Variants in RFX2 observed in about 807,000 individuals in gnomAD.
RFX2 encodes regulatory factor X2.
Under a neutral mutation model 87.8 loss-of-function variants are expected in RFX2, and 20 were observed. That is an observed-to-expected ratio of 0.23 (90% CI 0.16 to 0.33). The LOEUF (loss-of-function observed/expected upper bound fraction) is 0.33, where lower values mean the gene tolerates loss of function less well. Ranked by LOEUF, RFX2 falls within the 10% of genes least tolerant of loss-of-function variation. The pLI is 1.00. For synonymous variants in RFX2, 397 were observed against 431.3 expected (o/e 0.92, Z 0.98); for missense variants, 767 against 1,012.3 (o/e 0.76, Z 3.29).
At chr19:6,099,921 G>A (rs1453201146) in intron 1 of RFX2, among the ~76,000 whole-genome samples, 2 of 152,178 alleles carry the variant, frequency 1.3e-5, no homozygotes, top group Admixed American at 6.5e-5. Flanking sequence ...AGGGGAGTGT[G>A]CTTTTGGCAG....
At chr19:6,028,675 A>G (rs2086919095) in intron 5 of RFX2, among the ~76,000 whole-genome samples, 1 of 152,180 alleles carries the variant, frequency 6.6e-6, no homozygotes, top group Admixed American at 6.5e-5. Flanking sequence ...GAAATGAATT[A>G]AAAGATTATG....
chr19:6,007,203 GC>G lies in RFX2; in HGVS notation c.1248-38del, dbSNP rs2086595214. 6.3e-7 allele frequency: 1 copy of G among 1,596,576 alleles called. No homozygotes were observed. Among genetic ancestry groups the G allele is most frequent in the Admixed American group, 1.7e-5 (1 of 59,068 alleles). ...GGGGGGACAGGTGAGCTGTGGCCTG[GC>G]CCAGGTGGGCTCACTCAGCCACGGG... On this transcript the variant is annotated intron_variant, in intron 11 of 17. Coordinates refer to ENST00000303657, the MANE Select transcript of RFX2 (RefSeq NM_000635.4). The surrounding 1 kb of genome is among the most constrained non-coding windows in gnomAD (Gnocchi z 8.2).
chr19:6,052,338 T>C (rs747559222), intron 1 of RFX2, among the ~76,000 whole-genome samples: 37 of 152,192 alleles, frequency 2.4e-4, no homozygotes, highest in Non-Finnish European at 4.9e-4. Flanking sequence ...GTATGACATA[T>C]TGATTACAGA....
intron 1 of RFX2, among the ~76,000 whole-genome samples, chr19:6,105,464 G>A (rs1385910403): frequency 6.6e-6 from 1 of 152,194 alleles, no homozygotes; most frequent in Non-Finnish European, 1.5e-5. Flanking sequence ...AGGTCAAAGA[G>A]GTATTAGGCT....
At chr19:6,009,290 G>C (rs976152360) in intron 9 of RFX2, among the ~76,000 whole-genome samples, 4 of 152,176 alleles carry the variant, frequency 2.6e-5, no homozygotes, top group African/African-American at 9.7e-5. Flanking sequence ...TGTGTACAGA[G>C]CCCACCTGAA....
At position 6,026,095 on chromosome 19, in the gene RFX2, G is replaced by A; in HGVS notation, c.597+68C>T. The A allele has an allele frequency of 2.1e-6, 3 of 1,396,094 alleles. No individual in the cohort carries two copies. The highest frequency in any genetic ancestry group is 3.0e-6 in the Non-Finnish European group (3 of 990,948). 86.5% of individuals were successfully genotyped at this position (1,396,094 alleles called of 1,614,324 possible). A position where few individuals can be genotyped will look rare whatever the true frequency, so the allele number is the denominator to read the frequency against. On this transcript the variant is annotated intron_variant, in intron 6 of 17. Transcript: ENST00000303657. This position sits in a 1 kb window ranked among gnomAD's most constrained non-coding sequence, Gnocchi z 4.5. ...CCACCGCACCTGGTTGCCTTCATTT[G>A]TCTTAAAAATGTCTATGCAGGTTAC...
rs912713043 is a variant in RFX2, at chr19:6,011,084, C to T, written c.900-833G>A. ...TGAGCCGAGTTCACGCCATTGCACT[C>T]CAGCCTGGGCGACAAAAGCGAAACT... is the stretch of plus-strand genomic sequence containing the variant. On this transcript the variant is annotated intron_variant, in intron 8 of 17. Coordinates refer to ENST00000303657, the MANE Select transcript of RFX2 (RefSeq NM_000635.4). The surrounding 1 kb of genome is among the most constrained non-coding windows in gnomAD (Gnocchi z 4.8). Among the ~76,000 whole-genome samples, 3 of 151,750 alleles carry T rather than the reference C, an allele frequency of 2.0e-5. No homozygotes were observed. Among genetic ancestry groups the T allele is most frequent in the Non-Finnish European group, 4.4e-5 (3 of 67,980 alleles).
At chr19:6,060,601 G>A (rs568150716) in intron 1 of RFX2, among the ~76,000 whole-genome samples, 24 of 152,172 alleles carry the variant, frequency 1.6e-4, no homozygotes, top group African/African-American at 5.5e-4. Flanking sequence ...AGCCTCTGTC[G>A]TCTTCTCTCT....
At chr19:6,060,216 C>A (rs2087408186) in intron 1 of RFX2, among the ~76,000 whole-genome samples, 1 of 152,214 alleles carries the variant, frequency 6.6e-6, no homozygotes, top group African/African-American at 2.4e-5. Context: ...TCCAGACTGT[C>A]TACATCCAGT....
chr19:6,034,505 G>A (rs1027688742), intron 5 of RFX2, among the ~76,000 whole-genome samples: 5 of 152,076 alleles, frequency 3.3e-5, no homozygotes, highest in East Asian at 1.9e-4. Context: ...GGGATTACAG[G>A]CATGAGCCAC....
At position 6,017,356 on chromosome 19, in the gene RFX2, A is replaced by T. The variant is rs755512874; in HGVS notation, c.598-1085T>A. Among the ~76,000 whole-genome samples the T allele has an allele frequency of 6.6e-6, 1 of 152,232 alleles. No homozygotes were observed. Among genetic ancestry groups the T allele is most frequent in the Non-Finnish European group, 1.5e-5 (1 of 68,034 alleles). ...TGTCCACACGAAGAGCTCAGTCCCC[A>T]CACTGGGCATGGACGCAAAGGTGGC... is the stretch of plus-strand genomic sequence containing the variant. On this transcript the variant is annotated intron_variant, in intron 6 of 17. Transcript: ENST00000303657. The surrounding 1 kb of genome is among the most constrained non-coding windows in gnomAD (Gnocchi z 4.1).
chr19:6,094,911 G>A (rs1174757379), intron 1 of RFX2, among the ~76,000 whole-genome samples: 1 of 152,036 alleles, frequency 6.6e-6, no homozygotes, highest in Non-Finnish European at 1.5e-5. Flanking sequence ...GGTGGATCAC[G>A]AGGTCAGGAG....
In RFX2 at chr19:6,059,272, G is replaced by A. The variant is rs140512917; in HGVS notation, c.-8-11768C>T. Among the ~76,000 whole-genome samples, 716 of 152,198 alleles carry A rather than the reference G, an allele frequency of 4.7e-3. 7 individuals carry two copies. The highest frequency in any genetic ancestry group is 0.017 in the African/African-American group (690 of 41,536). The stretch of plus-strand genomic sequence containing the variant: ...TGGGATTACAGGTGTGAGCCATCAC[G>A]CCTGGCCTTGATTTGACTATTAATA... On this transcript the variant is annotated intron_variant, in intron 1 of 17. Coordinates refer to ENST00000303657, the MANE Select transcript of RFX2 (RefSeq NM_000635.4).
intron 1 of RFX2, among the ~76,000 whole-genome samples, chr19:6,089,533 AG>A (rs2087903942): frequency 2.6e-5 from 4 of 152,194 alleles, no homozygotes; most frequent in African/African-American, 9.7e-5. Context: ...GGAGATGATT[AG>A]GTCATGAGCA....
intron 3 of RFX2, among the ~76,000 whole-genome samples, chr19:6,042,450 G>C (rs914972062): frequency 7.2e-5 from 11 of 152,134 alleles, no homozygotes; most frequent in African/African-American, 2.4e-4. Context: ...AACTAGAGTT[G>C]TGGACAGAGG....
chr19:6,004,728 C>A lies in RFX2; in HGVS notation c.1403-430G>T, dbSNP rs79043355. On this transcript the variant is annotated intron_variant, in intron 12 of 17. Transcript: ENST00000303657. The surrounding 1 kb of genome is among the most constrained non-coding windows in gnomAD (Gnocchi z 4.8). ...GCCTTGACACAAACACACACACACA[C>A]GTAAATACATTCTACCAACTTCCTA... 2.4e-3 allele frequency among the ~76,000 whole-genome samples: 364 copies of A among 151,756 alleles called. 4 individuals carry two copies. The East Asian group carries it at 0.056, about 23-fold the overall frequency.
Position 6,045,534 on chromosome 19 carries a change from T to C in RFX2, c.91-1252A>G, listed in dbSNP as rs28760585. Among the ~76,000 whole-genome samples the C allele has an allele frequency of 0.15, 23,302 of 152,214 alleles. 5,549 individuals are homozygous for C. The highest frequency in any genetic ancestry group is 0.51 in the African/African-American group (21,171 of 41,466). ...GACGGCGTCTGATCCTCACCTCAGA[T>C]GGGCTTCCAAGACGCCCTCCCCACT... On this transcript the variant is annotated intron_variant, in intron 2 of 17. Coordinates refer to ENST00000303657, the MANE Select transcript of RFX2 (RefSeq NM_000635.4). This position sits in a 1 kb window ranked among gnomAD's most constrained non-coding sequence, Gnocchi z 5.2.
chr19:6,054,446 C>A (rs1226593783), intron 1 of RFX2, among the ~76,000 whole-genome samples: 2 of 152,106 alleles, frequency 1.3e-5, no homozygotes, highest in African/African-American at 2.4e-5. Context: ...AGTGTTTAGA[C>A]TAATATCTCT....
At chr19:6,065,801 C>T (rs1233895255) in intron 1 of RFX2, among the ~76,000 whole-genome samples, 2 of 151,980 alleles carry the variant, frequency 1.3e-5, no homozygotes, top group Admixed American at 1.3e-4. Context: ...ACAACTAAAG[C>T]GAGTCTCACC....
Sources: allele counts gnomAD v4.1 joint callset (sites outside exome capture counted in the v4.1 genomes callset), GRCh38; gene constraint gnomAD v4.1.1; non-coding constraint Gnocchi (gnomAD v3.1); transcripts MANE v1.5; gene names NCBI Gene and HGNC (gene_info 2026-07-23, HGNC 2026-07-21).